Variants in PAFAH2 observed in about 807,000 individuals in gnomAD.
PAFAH2 encodes platelet-activating factor acetylhydrolase 2, cytoplasmic.
A neutral mutation model predicts 49.0 loss-of-function variants in PAFAH2; 42 were observed. The ratio of observed to expected loss-of-function variants is 0.86; its 90% CI spans 0.67 to 1.11. The LOEUF (loss-of-function observed/expected upper bound fraction) is 1.11. PAFAH2 is among the 50% of genes least tolerant of loss of function. PAFAH2 has a pLI of 0.00. For synonymous variants in PAFAH2, 184 were observed against 181.3 expected, an observed-to-expected ratio of 1.01 and a Z score of -0.12; for missense variants, 503 against 501.8, an observed-to-expected ratio of 1.00 and a Z score of -0.02.
intron 10 of PAFAH2, among the ~76,000 whole-genome samples, chr1:25,969,005 A>C (rs761480464): frequency 2.6e-5 from 4 of 152,140 alleles, no homozygotes; most frequent in Admixed American, 6.5e-5. Context: ...GACTGTGAAC[A>C]CAAGTCTAAT....
chr1:25,979,989 G>T (rs2049658530), intron 7 of PAFAH2, among the ~76,000 whole-genome samples: 1 of 152,206 alleles, frequency 6.6e-6, no homozygotes, highest in Admixed American at 6.5e-5. Context: ...CGTGGGGGTT[G>T]ATGATACAAA....
At chr1:25,994,991 C>G (rs558847474) in intron 1 of PAFAH2, among the ~76,000 whole-genome samples, 2 of 152,306 alleles carry the variant, frequency 1.3e-5, no homozygotes, top group East Asian at 1.9e-4. Flanking sequence ...AAAATCCAAT[C>G]TGAGTTGCAA....
intron 4 of PAFAH2, 117 bp from the exon 5 acceptor site, chr1:25,984,645 T>G: frequency 1.4e-6 from 1 of 720,506 alleles, no homozygotes. Flanking sequence ...CAACCTTAAC[T>G]GTCTACCTCT....
At chr1:25,993,609 T>C (rs565338241) in intron 1 of PAFAH2, among the ~76,000 whole-genome samples, 1 of 152,294 alleles carries the variant, frequency 6.6e-6, no homozygotes, top group South Asian at 2.1e-4. Flanking sequence ...TGTTTCTTTT[T>C]AGCAAATTTA....
At position 25,960,627 on chromosome 1, in the gene PAFAH2, C is replaced by G. The variant is rs1198259209; in HGVS notation, c.*1362G>C. The stretch of plus-strand genomic sequence containing the variant: ...AACAGAATGGAAATTCAGTCTGTAT[C>G]TGACTTAAATTTGGGGCAAGGGCCT... On this transcript the variant is annotated 3_prime_UTR_variant, in exon 11 of 11. Coordinates refer to ENST00000374282, the MANE Select transcript of PAFAH2 (RefSeq NM_000437.4). The G allele has an allele frequency of 6.6e-6, 1 of 152,484 alleles. No homozygotes were observed. Among genetic ancestry groups the G allele is most frequent in the Non-Finnish European group, 1.5e-5 (1 of 68,026 alleles). 9.4% of individuals were successfully genotyped at this position (152,484 alleles called of 1,614,324 possible).
intron 4 of PAFAH2, among the ~76,000 whole-genome samples, chr1:25,986,787 T>C (rs1489808449): frequency 5.9e-5 from 9 of 151,836 alleles, no homozygotes; most frequent in South Asian, 2.1e-4. Context: ...CACCTCGGCC[T>C]CCCAAAATGC....
At chr1:25,969,616 A>G (rs188830847) in intron 10 of PAFAH2, among the ~76,000 whole-genome samples, 1 of 152,236 alleles carries the variant, frequency 6.6e-6, no homozygotes, top group Non-Finnish European at 1.5e-5. Flanking sequence ...TGTCTCTAGA[A>G]TTACACGCGA....
At chr1:25,989,651 T>A in intron 2 of PAFAH2, 50 bp from the exon 3 acceptor site, 2 of 1,393,350 alleles carry the variant, frequency 1.4e-6, no homozygotes, top group Non-Finnish European at 1.9e-6. Context: ...CCAGGCTAGA[T>A]TTCCCAACAG....
chr1:25,974,496 T>C lies in PAFAH2; in HGVS notation c.913A>G (p.Arg305Gly), dbSNP rs751440374. 5.0e-6 allele frequency: 8 copies of C among 1,613,354 alleles called. No homozygotes were observed. In the South Asian group the frequency reaches 6.6e-5, roughly 13 times the overall value. Reference protein sequence around the residue: ...KKICAQHEQSRIITVLGSVHR... With the variant: ...KKICAQHEQSGIITVLGSVHR... Reference sequence around the variant, plus strand: ...TTTACTCACAGAACGGTTATGATCCTAGACTGTTCATGCTGGGCACATATC... The same window carrying C: ...TTTACTCACAGAACGGTTATGATCCCAGACTGTTCATGCTGGGCACATATC... The change falls in exon 9 of 11, where the codon AGG becomes GGG. Residue 305 changes from arginine (R) to glycine (G), a missense_variant. Arg to Gly is a moderately radical substitution (Grantham distance 125). Coordinates refer to ENST00000374282, the MANE Select transcript of PAFAH2 (RefSeq NM_000437.4).
chr1:25,963,024 C>T (rs1159047728), intron 10 of PAFAH2, among the ~76,000 whole-genome samples: 1 of 152,032 alleles, frequency 6.6e-6, no homozygotes, highest in African/African-American at 2.4e-5. Flanking sequence ...AGCTCACAGC[C>T]AATAGGGGTA....
chr1:25,985,664 C>T (rs1362013778), intron 4 of PAFAH2, among the ~76,000 whole-genome samples: 1 of 152,218 alleles, frequency 6.6e-6, no homozygotes, highest in African/African-American at 2.4e-5. Context: ...TAGGAATTCT[C>T]TCGTCTTCAC....
At chr1:25,983,802 T>G in intron 6 of PAFAH2, 144 bp downstream of exon 6, 1 of 886,758 alleles carries the variant, frequency 1.1e-6, no homozygotes, top group South Asian at 1.6e-5. Context: ...CTGATTAATA[T>G]CCTATGTATT....
At chr1:25,966,310 C>T (rs1281594876) in intron 10 of PAFAH2, among the ~76,000 whole-genome samples, 5 of 152,148 alleles carry the variant, frequency 3.3e-5, no homozygotes, top group Admixed American at 2.6e-4. Flanking sequence ...AGAAAGACAC[C>T]TGCACACATA....
At position 25,972,613 on chromosome 1, in the gene PAFAH2, A is replaced by T. The variant is rs776455841; in HGVS notation, c.1029T>A (p.Tyr343Ter). 1 of 1,613,826 alleles carries T rather than the reference A, an allele frequency of 6.2e-7. No homozygotes were observed. The highest frequency in any genetic ancestry group is 1.3e-5 in the African/African-American group (1 of 74,918). ...STETRGSLDP[Y>*]EGQEVMVRAM... is the part of the protein sequence containing the mutation. ...CCCGTACCATAACCTCCTGCCCTTC[A>T]TAGGGGTCCAGGCTCCCACGGGTTT... The change falls in exon 10 of 11, where the codon TAT (tyrosine) becomes TAA (stop). Residue 343 changes from tyrosine to a stop codon, truncating the protein, a stop_gained. Coordinates refer to ENST00000374282, the MANE Select transcript of PAFAH2 (RefSeq NM_000437.4). LOFTEE classifies it high-confidence loss of function.
chr1:25,963,141 A>G (rs568568113), intron 10 of PAFAH2, among the ~76,000 whole-genome samples: 1 of 152,340 alleles, frequency 6.6e-6, no homozygotes, highest in South Asian at 2.1e-4. Context: ...AGACTCTGGG[A>G]CAGAAGGCAG....
chr1:25,991,181 T>C (rs924191025), intron 1 of PAFAH2, among the ~76,000 whole-genome samples: 1 of 152,228 alleles, frequency 6.6e-6, no homozygotes, highest in Admixed American at 6.5e-5. Flanking sequence ...CTGAGGCTAA[T>C]AGTAACCACT....
chr1:25,974,520 T>C lies in PAFAH2; in HGVS notation c.889A>G (p.Ile297Val), dbSNP rs777086900. 6.2e-7 allele frequency: 1 copy of C among 1,614,114 alleles called. No individual in the cohort carries two copies. The highest frequency in any genetic ancestry group is 8.5e-7 in the Non-Finnish European group (1 of 1,180,004). Reference protein sequence around the residue: ...TMESVNLMKKICAQHEQSRII... With the variant: ...TMESVNLMKKVCAQHEQSRII... ...CTAGACTGTTCATGCTGGGCACATA[T>C]CTTCTTCATCAAATTGACACTCTCC... The change falls in exon 9 of 11, where the codon ATA becomes GTA. Residue 297 changes from isoleucine (I) to valine (V), a missense_variant. Ile to Val is a conservative substitution (Grantham distance 29, BLOSUM62 3). Coordinates refer to ENST00000374282, the MANE Select transcript of PAFAH2 (RefSeq NM_000437.4).
chr1:25,974,521 C>T lies in PAFAH2; in HGVS notation c.888G>A (p.Lys296=). The change falls in exon 9 of 11, where the codon AAG becomes AAA. Residue 296 remains lysine (K), a synonymous_variant. Coordinates refer to ENST00000374282, the MANE Select transcript of PAFAH2 (RefSeq NM_000437.4). ...QTMESVNLMK[K]ICAQHEQSRI... is the part of the protein sequence containing the mutation. ...TAGACTGTTCATGCTGGGCACATAT[C>T]TTCTTCATCAAATTGACACTCTCCA... 6.2e-7 allele frequency: 1 copy of T among 1,614,088 alleles called. No homozygotes were observed. The highest frequency in any genetic ancestry group is 1.3e-5 in the African/African-American group (1 of 75,026).
chr1:25,987,813 G>A lies in PAFAH2; in HGVS notation c.341+418C>T, dbSNP rs1194585946. ...GCACTGCTTGAGCCCAAGAGGTTGAGGCTGCAGTGAGCTGTGATCACACCA... is the reference window on the plus strand; with the variant it reads ...GCACTGCTTGAGCCCAAGAGGTTGAAGCTGCAGTGAGCTGTGATCACACCA... On this transcript the variant is annotated intron_variant, in intron 4 of 10. Transcript: ENST00000374282. 2.0e-5 allele frequency among the ~76,000 whole-genome samples: 3 copies of A among 152,044 alleles called. No homozygotes were observed. The East Asian group carries it at 5.8e-4, about 29-fold the overall frequency.
Sources: gnomAD v4.1 joint callset for allele counts (sites outside exome capture counted in the v4.1 genomes callset) on GRCh38, gnomAD v4.1.1 for gene constraint, MANE v1.5 for transcripts, NCBI Gene and HGNC (gene_info 2026-07-23, HGNC 2026-07-21) for gene names.